Variants in LINGO2 observed in about 807,000 individuals in gnomAD.
LINGO2 encodes leucine-rich repeat and immunoglobulin-like domain-containing nogo receptor-interacting protein 2.
In LINGO2, 14 loss-of-function variants were observed where a neutral mutation model predicts 30.6. That is an observed-to-expected ratio of 0.46 (90% CI 0.30 to 0.72). The LOEUF (loss-of-function observed/expected upper bound fraction) is 0.72. Ranked by LOEUF, LINGO2 falls within the 30% of genes least tolerant of loss-of-function variation. The pLI, the probability that LINGO2 is intolerant of heterozygous loss-of-function variation, is 0.07. For missense variants in LINGO2, 729 were observed against 751.7 expected, an observed-to-expected ratio of 0.97 and a Z score of 0.35; for synonymous variants, 317 against 288.5, an observed-to-expected ratio of 1.10 and a Z score of -1.00.
the LINGO2 span, among the ~76,000 whole-genome samples, chr9:28,801,885 ATAT>A: frequency 2.6e-5 from 4 of 152,060 alleles, no homozygotes; most frequent in African/African-American, 4.8e-5. Flanking sequence ...TTACAATGAA[ATAT>A]TATATTTTTA....
At chr9:28,159,406 T>TA (rs1828224762) in intron 4 of LINGO2, among the ~76,000 whole-genome samples, 1 of 152,144 alleles carries the variant, frequency 6.6e-6, no homozygotes, top group East Asian at 1.9e-4. Context: ...TTTCTCTTTT[T>TA]AAAAAACCAT....
intron 5 of LINGO2, among the ~76,000 whole-genome samples, chr9:27,971,199 C>A (rs747355455): frequency 6.6e-6 from 1 of 151,110 alleles, no homozygotes; most frequent in Non-Finnish European, 1.5e-5. Flanking sequence ...CCCTCCTATT[C>A]CCTCTATTTT....
At chr9:28,744,339 C>T in the LINGO2 span, among the ~76,000 whole-genome samples, 1 of 151,864 alleles carries the variant, frequency 6.6e-6, no homozygotes, top group Non-Finnish European at 1.5e-5. Flanking sequence ...TATCTGGAGC[C>T]CTTCAAATGC....
At chr9:28,346,691 T>C (rs1819587592) in intron 3 of LINGO2, among the ~76,000 whole-genome samples, 1 of 152,102 alleles carries the variant, frequency 6.6e-6, no homozygotes, top group African/African-American at 2.4e-5. Context: ...CACAACCTCA[T>C]CAGCATGTTA....
the LINGO2 span, among the ~76,000 whole-genome samples, chr9:29,189,671 A>T: frequency 6.6e-6 from 1 of 151,972 alleles, no homozygotes; most frequent in African/African-American, 2.4e-5. Context: ...GGCGGCTGGG[A>T]GGTGGTTGTA....
the LINGO2 span, among the ~76,000 whole-genome samples, chr9:28,973,723 T>C: frequency 1.3e-5 from 2 of 152,170 alleles, no homozygotes; most frequent in Admixed American, 1.3e-4. Flanking sequence ...GAGAACAGAC[T>C]AATACAAGGT....
intron 4 of LINGO2, among the ~76,000 whole-genome samples, chr9:28,054,338 C>T (rs1216004560): frequency 1.3e-5 from 2 of 152,058 alleles, no homozygotes; most frequent in South Asian, 2.1e-4. Context: ...GATGGTTTGG[C>T]TATTTTTAAC....
At chr9:28,788,019 T>G in the LINGO2 span, among the ~76,000 whole-genome samples, 2 of 152,172 alleles carry the variant, frequency 1.3e-5, no homozygotes, top group Non-Finnish European at 2.9e-5. Flanking sequence ...AAAACATATT[T>G]TGTATTTCTA....
At chr9:28,103,708 C>A (rs1055413441) in intron 4 of LINGO2, among the ~76,000 whole-genome samples, 1 of 152,178 alleles carries the variant, frequency 6.6e-6, no homozygotes, top group African/African-American at 2.4e-5. Context: ...TGTTGTTTTA[C>A]TTCACTAAGT....
At chr9:28,867,427 C>T in the LINGO2 span, among the ~76,000 whole-genome samples, 2 of 150,328 alleles carry the variant, frequency 1.3e-5, no homozygotes, top group African/African-American at 4.9e-5. Flanking sequence ...CAATAATAAG[C>T]AAGTGCTAGC....
the LINGO2 span, among the ~76,000 whole-genome samples, chr9:28,896,129 G>A: frequency 1.5e-4 from 23 of 152,070 alleles, no homozygotes; most frequent in Non-Finnish European, 2.8e-4. Context: ...GAAGAATAGA[G>A]GACAGGCTGA....
the LINGO2 span, among the ~76,000 whole-genome samples, chr9:29,113,125 T>C: frequency 6.6e-6 from 1 of 152,194 alleles, no homozygotes; most frequent in African/African-American, 2.4e-5. Flanking sequence ...ACGCATACCA[T>C]GAATAAACCA....
intron 1 of LINGO2, among the ~76,000 whole-genome samples, chr9:28,558,741 G>C (rs1457538550): frequency 6.6e-6 from 1 of 151,926 alleles, no homozygotes; most frequent in Non-Finnish European, 1.5e-5. Flanking sequence ...AAGAAAGAAA[G>C]AAAAAAGCTG....
At chr9:28,507,212 AGT>A (rs74182511) in intron 1 of LINGO2, among the ~76,000 whole-genome samples, 2 of 148,996 alleles carry the variant, frequency 1.3e-5, no homozygotes, top group Non-Finnish European at 1.5e-5. Context: ...ATTTCAGAGG[AGT>A]GTGTGTGTGT....
the LINGO2 span, among the ~76,000 whole-genome samples, chr9:28,720,305 G>C: frequency 6.6e-6 from 1 of 152,028 alleles, no homozygotes; most frequent in African/African-American, 2.4e-5. Context: ...GACATTCAGA[G>C]ATGTTTCTGA....
intron 1 of LINGO2, among the ~76,000 whole-genome samples, chr9:28,497,988 C>A (rs999504182): frequency 5.3e-5 from 8 of 152,186 alleles, no homozygotes; most frequent in Admixed American, 1.3e-4. Context: ...TGCTGAATAG[C>A]AAATGTTGCT....
At chr9:28,169,105 T>C (rs937357588) in intron 4 of LINGO2, among the ~76,000 whole-genome samples, 8 of 152,214 alleles carry the variant, frequency 5.3e-5, no homozygotes, top group African/African-American at 1.7e-4. Context: ...CTGATTAATA[T>C]ACGGACTAAA....
chr9:28,078,443 TA>T (rs1343301101), intron 4 of LINGO2, among the ~76,000 whole-genome samples: 5 of 149,032 alleles, frequency 3.4e-5, no homozygotes, highest in Admixed American at 2.0e-4. Flanking sequence ...TTAAATAGAC[TA>T]TTTTTTTTTA....
intron 2 of LINGO2, among the ~76,000 whole-genome samples, chr9:28,446,573 C>T (rs764737463): frequency 7.2e-5 from 11 of 152,144 alleles, no homozygotes; most frequent in Non-Finnish European, 1.5e-4. Flanking sequence ...TTTCTATTTC[C>T]TAAACCTCTT....
Sources: allele counts gnomAD v4.1 joint callset (sites outside exome capture counted in the v4.1 genomes callset), GRCh38; gene constraint gnomAD v4.1.1; transcripts MANE v1.5; gene names NCBI Gene and HGNC (gene_info 2026-07-23, HGNC 2026-07-21).